The following GRAMD1B variants were observed in gnomAD, a reference collection of about 807,000 sequenced individuals.
GRAMD1B encodes the protein GRAM domain containing 1B.
A neutral mutation model predicts 99.7 loss-of-function variants in GRAMD1B; 37 were observed. The ratio of observed to expected loss-of-function variants is 0.37; its 90% CI spans 0.29 to 0.49. The LOEUF is 0.49. Among genes scored for constraint, GRAMD1B ranks in the 20% least tolerant of loss-of-function variants. The pLI is 0.98. For missense variants in GRAMD1B, 888 were observed against 1,009.2 expected (o/e 0.88, Z 1.63); for synonymous variants, 427 against 387.6 (o/e 1.10, Z -1.19).
At chr11:123,602,283 T>C (rs1215497440) in intron 8 of GRAMD1B, among the ~76,000 whole-genome samples, 2 of 150,516 alleles carry the variant, frequency 1.3e-5, no homozygotes, top group Non-Finnish European at 3.0e-5. Flanking sequence ...CCTGAAACTG[T>C]GGGCTTGGGA....
chr11:123,541,806 A>G (rs750428846), intron 2 of GRAMD1B, among the ~76,000 whole-genome samples: 11 of 152,318 alleles, frequency 7.2e-5, no homozygotes, highest in Admixed American at 5.9e-4. Flanking sequence ...GTTTAAGAGT[A>G]TATGTATTCT....
At chr11:123,523,290 C>T (rs907814646) in intron 2 of GRAMD1B, among the ~76,000 whole-genome samples, 1 of 152,132 alleles carries the variant, frequency 6.6e-6, no homozygotes, top group Non-Finnish European at 1.5e-5. Flanking sequence ...TGAGATTGCA[C>T]CACGGCACTC....
chr11:123,424,079 C>T (rs931242402), intron 1 of GRAMD1B, among the ~76,000 whole-genome samples: 1 of 152,092 alleles, frequency 6.6e-6, no homozygotes, highest in Non-Finnish European at 1.5e-5. Flanking sequence ...CCATCTCTTA[C>T]CAGAACTATT....
chr11:123,602,041 A>G (rs530383118), intron 8 of GRAMD1B, among the ~76,000 whole-genome samples: 3 of 152,218 alleles, frequency 2.0e-5, no homozygotes, highest in African/African-American at 7.2e-5. Flanking sequence ...ATGTTGTCCC[A>G]GGCAGGGTGG....
At chr11:123,468,314 G>A (rs1229899984) in intron 1 of GRAMD1B, among the ~76,000 whole-genome samples, 1 of 151,938 alleles carries the variant, frequency 6.6e-6, no homozygotes, top group African/African-American at 2.4e-5. Flanking sequence ...ATCAAGGGAG[G>A]ATAGGGCTAG....
intron 4 of GRAMD1B, among the ~76,000 whole-genome samples, chr11:123,590,561 G>A (rs917855664): frequency 6.6e-6 from 1 of 152,176 alleles, no homozygotes; most frequent in East Asian, 1.9e-4. Context: ...AGCATGTGTA[G>A]GGCCCAGCTC....
At chr11:123,560,947 C>T (rs559602256) in intron 2 of GRAMD1B, among the ~76,000 whole-genome samples, 2 of 152,096 alleles carry the variant, frequency 1.3e-5, no homozygotes, top group Non-Finnish European at 2.9e-5. Flanking sequence ...TCTGGGGATC[C>T]GAAAGCAGCC....
chr11:123,361,609 A>G (rs187845898), intron 1 of GRAMD1B, among the ~76,000 whole-genome samples: 3 of 152,174 alleles, frequency 2.0e-5, no homozygotes, highest in Non-Finnish European at 2.9e-5. Context: ...CATTCTTCAA[A>G]TGGTAATAAA....
At chr11:123,472,240 A>AAT (rs56833844) in intron 1 of GRAMD1B, among the ~76,000 whole-genome samples, 1 of 148,256 alleles carries the variant, frequency 6.7e-6, no homozygotes. Flanking sequence ...AAAAAAAAAA[A>AAT]GAGAAAAAGA....
chr11:123,596,758 A>G (rs1046607142), intron 7 of GRAMD1B, among the ~76,000 whole-genome samples: 1 of 152,230 alleles, frequency 6.6e-6, no homozygotes, highest in African/African-American at 2.4e-5. Context: ...TTAAAAAACA[A>G]TTGAAGGCCT....
intron 4 of GRAMD1B, among the ~76,000 whole-genome samples, chr11:123,592,420 A>G (rs1950763325): frequency 6.6e-6 from 1 of 152,178 alleles, no homozygotes; most frequent in Admixed American, 6.5e-5. Context: ...CAAGTGCAAA[A>G]TGGGATAATA....
At chr11:123,563,932 A>G (rs1200967784) in intron 2 of GRAMD1B, among the ~76,000 whole-genome samples, 7 of 152,180 alleles carry the variant, frequency 4.6e-5, no homozygotes. Context: ...AGTTTTCTCT[A>G]TTCTAAAATT....
At chr11:123,453,303 T>C (rs1381535278) in intron 1 of GRAMD1B, among the ~76,000 whole-genome samples, 4 of 151,788 alleles carry the variant, frequency 2.6e-5, no homozygotes, top group Non-Finnish European at 5.9e-5. Flanking sequence ...TATAAGTATA[T>C]ATGTATATGC....
At chr11:123,378,432 A>C (rs1247026940) in intron 1 of GRAMD1B, among the ~76,000 whole-genome samples, 1 of 152,214 alleles carries the variant, frequency 6.6e-6, no homozygotes, top group Admixed American at 6.5e-5. Context: ...AGTCCAGTGC[A>C]CTGTCTAAGG....
At chr11:123,539,685 G>A (rs1361852519) in intron 2 of GRAMD1B, among the ~76,000 whole-genome samples, 2 of 152,184 alleles carry the variant, frequency 1.3e-5, no homozygotes, top group African/African-American at 2.4e-5. Flanking sequence ...ACGGCATGCA[G>A]GGTGTTCTCT....
chr11:123,363,978 G>A (rs1363379208), intron 1 of GRAMD1B, among the ~76,000 whole-genome samples: 1 of 152,104 alleles, frequency 6.6e-6, no homozygotes, highest in Non-Finnish European at 1.5e-5. Flanking sequence ...CATGTTAAGG[G>A]GGCCAATCAA....
At chr11:123,432,026 C>T (rs1948918102) in intron 1 of GRAMD1B, 1 of 398,512 alleles carries the variant, frequency 2.5e-6, no homozygotes, top group African/African-American at 2.1e-5. Flanking sequence ...AGGGTCCTGT[C>T]TCTTAATGGA....
chr11:123,599,323 G>A (rs1951666097), intron 7 of GRAMD1B: 9 of 704,962 alleles, frequency 1.3e-5, no homozygotes, highest in Non-Finnish European at 2.2e-5. Flanking sequence ...TGCGTGGCCC[G>A]AGTGCAGTGA....
intron 1 of GRAMD1B, among the ~76,000 whole-genome samples, chr11:123,445,818 C>CAA (rs36123733): frequency 0.061 from 5,699 of 93,754 alleles, 293 homozygotes; most frequent in Middle Eastern, 0.2. Context: ...CACTTGTCTC[C>CAA]AAAAAAAAAA....
Sources: allele counts gnomAD v4.1 joint callset (sites outside exome capture counted in the v4.1 genomes callset), GRCh38; gene constraint gnomAD v4.1.1; transcripts MANE v1.5; gene names NCBI Gene and HGNC (gene_info 2026-07-23, HGNC 2026-07-21).